KCNQ1: variants seen among roughly 807,000 people sequenced by gnomAD.
KCNQ1 encodes the protein potassium voltage-gated channel subfamily Q member 1.
Under a neutral mutation model 72.4 loss-of-function variants are expected in KCNQ1, and 49 were observed. The observed-to-expected ratio is 0.68, with a 90% CI of 0.54 to 0.86. The LOEUF is 0.86. Ranked by LOEUF, KCNQ1 falls within the 40% of genes least tolerant of loss-of-function variation. The probability of loss-of-function intolerance (pLI) is 0.00; values close to 1 mark genes in which losing one functional copy is unlikely to be tolerated. For synonymous variants in KCNQ1, 450 were observed against 412.6 expected, an observed-to-expected ratio of 1.09 and a Z score of -1.10; for missense variants, 790 against 945.1, an observed-to-expected ratio of 0.84 and a Z score of 2.15.
At position 2,647,988 on chromosome 11, in the gene KCNQ1, C is replaced by A; in HGVS notation, c.1394-13973C>A. On this transcript the variant is annotated intron_variant, in intron 10 of 15. Transcript: ENST00000155840. This position sits in a 1 kb window ranked among gnomAD's most constrained non-coding sequence, Gnocchi z 4.0. ...CAGTACTTTGGAAGGCCAAGGCAGG[C>A]CGATCGCTTGAGTCCAGGAGTTTGA... The A allele has an allele frequency of 2.5e-6, 1 of 397,580 alleles. No homozygotes were observed. The highest frequency in any genetic ancestry group is 4.4e-6 in the Non-Finnish European group (1 of 225,990). 24.6% of individuals were successfully genotyped at this position (397,580 alleles called of 1,614,324 possible). A position where few individuals can be genotyped will look rare whatever the true frequency, so the allele number is the denominator to read the frequency against.
rs1264286579 is a variant in KCNQ1, at chr11:2,677,497, A to G, written c.1514+15416A>G. 7 of 398,464 alleles carry G rather than the reference A, an allele frequency of 1.8e-5. No individual in the cohort carries two copies. The highest frequency in any genetic ancestry group is 2.7e-5 in the Non-Finnish European group (6 of 226,072). The allele number at this position is 398,464 out of a possible 1,614,324, so 24.7% of individuals were successfully genotyped here. A position where few individuals can be genotyped will look rare whatever the true frequency, so the allele number is the denominator to read the frequency against. On this transcript the variant is annotated intron_variant, in intron 11 of 15. Transcript: ENST00000155840. The surrounding 1 kb of genome is among the most constrained non-coding windows in gnomAD (Gnocchi z 4.5). The stretch of plus-strand genomic sequence containing the variant: ...CCATGCCATACTTCTACAAAAAATG[A>G]TCCTCTCTGTGGAAGTGCTGCCAAC...
In KCNQ1 at chr11:2,519,775, C is replaced by T. The variant is rs368938494; in HGVS notation, c.387-8153C>T. On this transcript the variant is annotated intron_variant, in intron 1 of 15. Coordinates refer to ENST00000155840, the MANE Select transcript of KCNQ1 (RefSeq NM_000218.3). ...CTTACATAGTACAGCAGGTGTTGGC[C>T]CCCCCCCACAACATTGGTTTCCATC... 5.8e-5 allele frequency among the ~76,000 whole-genome samples: 3 copies of T among 51,680 alleles called. 1 individual carries two copies. Among genetic ancestry groups the T allele is most frequent in the South Asian group, 5.3e-4 (1 of 1,872 alleles). 33.9% of individuals were successfully genotyped at this position (51,680 alleles called of 152,430 possible). A position where few individuals can be genotyped will look rare whatever the true frequency, so the allele number is the denominator to read the frequency against.
intron 12 of KCNQ1, 148 bp from the exon 13 acceptor site, chr11:2,775,812 C>A: frequency 1.3e-6 from 1 of 790,582 alleles, no homozygotes; most frequent in South Asian, 1.5e-5. Context: ...ACTGTGCACG[C>A]TTGGAACCAG....
Position 2,462,149 on chromosome 11 carries a change from G to C in KCNQ1, c.386+16665G>C, listed in dbSNP as rs145067676. On this transcript the variant is annotated intron_variant, in intron 1 of 15. Transcript: ENST00000155840. This position sits in a 1 kb window ranked among gnomAD's most constrained non-coding sequence, Gnocchi z 8.2. Reference sequence around the variant, plus strand: ...CGTTGCTGTGGGTGTATCTCATGGAGAGCCCCAAGGAGCCAGGGAGGAGCC... The same window carrying C: ...CGTTGCTGTGGGTGTATCTCATGGACAGCCCCAAGGAGCCAGGGAGGAGCC... Among the ~76,000 whole-genome samples, 1,756 of 152,232 alleles carry C rather than the reference G, an allele frequency of 0.012. 21 individuals are homozygous for C. Among genetic ancestry groups the C allele is most frequent in the South Asian group, 0.029 (142 of 4,824 alleles).
rs926303266 is a variant in KCNQ1, at chr11:2,473,384, C to T, written c.386+27900C>T. On this transcript the variant is annotated intron_variant, in intron 1 of 15. Coordinates refer to ENST00000155840, the MANE Select transcript of KCNQ1 (RefSeq NM_000218.3). The surrounding 1 kb of genome is among the most constrained non-coding windows in gnomAD (Gnocchi z 6.0). Reference sequence around the variant, plus strand: ...GAGGCCCATGGTGCAGTGAGTCCTGCCTGGAGTCCCGTCCAGCAGGAGGCA... The same window carrying T: ...GAGGCCCATGGTGCAGTGAGTCCTGTCTGGAGTCCCGTCCAGCAGGAGGCA... 2.6e-5 allele frequency among the ~76,000 whole-genome samples: 4 copies of T among 152,094 alleles called. No individual in the cohort carries two copies. Among genetic ancestry groups the T allele is most frequent in the African/African-American group, 4.8e-5 (2 of 41,418 alleles).
Position 2,674,838 on chromosome 11 carries a change from A to G in KCNQ1, c.1514+12757A>G. The G allele has an allele frequency of 5.1e-6, 2 of 392,434 alleles. No individual in the cohort carries two copies. Among genetic ancestry groups the G allele is most frequent in the Non-Finnish European group, 9.0e-6 (2 of 223,178 alleles). 24.3% of individuals were successfully genotyped at this position (392,434 alleles called of 1,614,324 possible). ...CACCCTAATAGCTGTTTTTTAAAAAAAAAAAAAAAAAAAAAAAAAAAAGCT... is the reference window on the plus strand; with the variant it reads ...CACCCTAATAGCTGTTTTTTAAAAAGAAAAAAAAAAAAAAAAAAAAAAGCT... On this transcript the variant is annotated intron_variant, in intron 11 of 15. Coordinates refer to ENST00000155840, the MANE Select transcript of KCNQ1 (RefSeq NM_000218.3). The surrounding 1 kb of genome is among the most constrained non-coding windows in gnomAD (Gnocchi z 5.9).
intron 15 of KCNQ1, among the ~76,000 whole-genome samples, chr11:2,822,771 C>G (rs1366365076): frequency 6.6e-6 from 1 of 152,046 alleles, no homozygotes; most frequent in African/African-American, 2.4e-5. Context: ...CAGGGGGAGC[C>G]CCAAAGGATG....
rs934572192 is a variant in KCNQ1 at position 2,809,650 on chromosome 11, C to T, written c.1794+31613C>T. ...TGCCTCGGTCGCTGACTCCAGAGGG[C>T]CCCACGGCTCATGCCTGCTTCCCTG... On this transcript the variant is annotated intron_variant, in intron 15 of 15. Coordinates refer to ENST00000155840, the MANE Select transcript of KCNQ1 (RefSeq NM_000218.3). This position sits in a 1 kb window ranked among gnomAD's most constrained non-coding sequence, Gnocchi z 7.1. Among the ~76,000 whole-genome samples the T allele has an allele frequency of 1.3e-5, 2 of 152,158 alleles. No individual in the cohort carries two copies. Among genetic ancestry groups the T allele is most frequent in the Non-Finnish European group, 2.9e-5 (2 of 68,036 alleles).
chr11:2,572,147 G>A, intron 5 of KCNQ1, 38 bp downstream of exon 5: 1 of 1,489,540 alleles, frequency 6.7e-7, no homozygotes, highest in Non-Finnish European at 9.3e-7. Flanking sequence ...GCCCAGGTTG[G>A]GGACAGGACG....
intron 2 of KCNQ1, among the ~76,000 whole-genome samples, chr11:2,530,443 G>C (rs1224105890): frequency 1.3e-5 from 2 of 152,246 alleles, no homozygotes; most frequent in African/African-American, 2.4e-5. Context: ...AAGGATGCCA[G>C]TGGTTCCCAG....
At chr11:2,805,162 C>T (rs1233463928) in intron 15 of KCNQ1, among the ~76,000 whole-genome samples, 5 of 152,304 alleles carry the variant, frequency 3.3e-5, no homozygotes, top group Middle Eastern at 3.4e-3. Flanking sequence ...GGCTGAGAGC[C>T]GGAAGCAAGG....
In KCNQ1 at chr11:2,719,331, C is replaced by CAAAAA. The variant is rs34225799; in HGVS notation, c.1515-49501_1515-49497dup. Among the ~76,000 whole-genome samples the CAAAAA allele has an allele frequency of 2.5e-3, 321 of 125,962 alleles. 4 individuals are homozygous for CAAAAA. The highest frequency in any genetic ancestry group is 5.5e-3 in the East Asian group (24 of 4,336). 82.6% of individuals were successfully genotyped at this position (125,962 alleles called of 152,430 possible). On this transcript the variant is annotated intron_variant, in intron 11 of 15. Coordinates refer to ENST00000155840, the MANE Select transcript of KCNQ1 (RefSeq NM_000218.3). ...CAGTATAACGAGACTCTGTCTCTAC[C>CAAAAA]AAAAAAAAAAAAAAAAGAGCCATAC...
Position 2,445,281 on chromosome 11 carries a change from C to G in KCNQ1, c.183C>G (p.Pro61=). 2.3e-6 allele frequency: 3 copies of G among 1,309,342 alleles called. No homozygotes were observed. Among genetic ancestry groups the G allele is most frequent in the Non-Finnish European group, 2.9e-6 (3 of 1,035,184 alleles). 81.1% of individuals were successfully genotyped at this position (1,309,342 alleles called of 1,614,324 possible). Residue 61 remains proline (P), a synonymous_variant, in exon 1 of 16, where the codon CCC becomes CCG. Coordinates refer to ENST00000155840, the MANE Select transcript of KCNQ1 (RefSeq NM_000218.3). ...YAPIAPGAPG[P]APPASPAAPA... is the part of the protein sequence containing the mutation. ...CCATCGCGCCCGGCGCCCCAGGTCCCGCGCCCCCTGCGTCCCCGGCCGCGC... is the reference window on the plus strand; with the variant it reads ...CCATCGCGCCCGGCGCCCCAGGTCCGGCGCCCCCTGCGTCCCCGGCCGCGC...
intron 2 of KCNQ1, among the ~76,000 whole-genome samples, chr11:2,545,963 G>C (rs1021134720): frequency 6.6e-6 from 1 of 152,044 alleles, no homozygotes; most frequent in Middle Eastern, 3.2e-3. Flanking sequence ...CAAAGAATCA[G>C]CTTTTGGTTT....
chr11:2,717,211 C>T (rs1298130312), intron 11 of KCNQ1, among the ~76,000 whole-genome samples: 3 of 152,124 alleles, frequency 2.0e-5, no homozygotes, highest in Admixed American at 2.0e-4. Flanking sequence ...GCATGGTGTC[C>T]CTCAGACCCC....
rs191868412 is a variant in KCNQ1, at chr11:2,494,770, G to T, written c.387-33158G>T. Among the ~76,000 whole-genome samples the T allele has an allele frequency of 3.0e-3, 462 of 152,242 alleles. 3 individuals carry two copies. Among genetic ancestry groups the T allele is most frequent in the African/African-American group, 8.7e-3 (362 of 41,538 alleles). On this transcript the variant is annotated intron_variant, in intron 1 of 15. Transcript: ENST00000155840. This position sits in a 1 kb window ranked among gnomAD's most constrained non-coding sequence, Gnocchi z 4.6. ...TATTTTATTGAAGATTTTTGCATCG[G>T]TGCTCATCAGGGATATTGGCCTGAA...
intron 10 of KCNQ1, chr11:2,650,547 A>G: frequency 2.5e-6 from 1 of 398,680 alleles, no homozygotes; most frequent in Non-Finnish European, 4.4e-6. Context: ...CAAGTTCATC[A>G]GTGGCTTAGG....
intron 10 of KCNQ1, chr11:2,639,406 C>A (rs1320459584): frequency 6.6e-6 from 1 of 152,210 alleles, no homozygotes; most frequent in Non-Finnish European, 1.5e-5. Flanking sequence ...GATGTCCTTT[C>A]TGTTTGTTAG....
At chr11:2,557,933 A>G (rs2283164) in intron 2 of KCNQ1, among the ~76,000 whole-genome samples, 8,715 of 152,346 alleles carry the variant, frequency 0.057, 275 homozygotes, top group Middle Eastern at 0.12. Flanking sequence ...TCATGTGGCT[A>G]CAAACAAATC....
Sources: allele counts gnomAD v4.1 joint callset (sites outside exome capture counted in the v4.1 genomes callset), GRCh38; gene constraint gnomAD v4.1.1; non-coding constraint Gnocchi (gnomAD v3.1); transcripts MANE v1.5; gene names NCBI Gene and HGNC (gene_info 2026-07-23, HGNC 2026-07-21).